MCTP2: variants seen among roughly 807,000 people sequenced by gnomAD.
MCTP2 encodes multiple C2 and transmembrane domain-containing protein 2.
A neutral mutation model predicts 111.6 loss-of-function variants in MCTP2; 132 were observed. That is an observed-to-expected ratio of 1.18 (90% CI 1.03 to 1.37). MCTP2 has a LOEUF of 1.37. MCTP2 is among the 40% of genes most tolerant of loss of function. MCTP2 has a pLI of 0.00. For missense variants in MCTP2, 1,183 were observed against 1,067.9 expected, an observed-to-expected ratio of 1.11 and a Z score of -1.50; for synonymous variants, 395 against 387.7, an observed-to-expected ratio of 1.02 and a Z score of -0.22.
In MCTP2 at chr15:94,250,437, A is replaced by G. The variant is rs532439062; in HGVS notation, c.-66+18773A>G. Among the ~76,000 whole-genome samples, 98 of 152,336 alleles carry G rather than the reference A, an allele frequency of 6.4e-4. 1 individual carries two copies. The Middle Eastern group carries it at 0.024, about 37-fold the overall frequency. ...TCGTGAGCACGTATTGAGGATTACT[A>G]TAGAAGCCTATGAACACTGGATTTT... is the stretch of plus-strand genomic sequence containing the variant. On this transcript the variant is annotated intron_variant, in intron 1 of 22. Transcript: ENST00000357742.
At chr15:94,247,155 G>A (rs930772875) in intron 1 of MCTP2, among the ~76,000 whole-genome samples, 2 of 152,180 alleles carry the variant, frequency 1.3e-5, no homozygotes, top group Admixed American at 1.3e-4. Flanking sequence ...GTGTGTGTGC[G>A]CGTGAGTGCA....
In MCTP2 at chr15:94,319,204, G is replaced by T. The variant is rs1018173286; in HGVS notation, c.637+3567G>T. 2.6e-5 allele frequency among the ~76,000 whole-genome samples: 4 copies of T among 152,284 alleles called. 1 individual carries two copies. The South Asian group carries it at 8.3e-4, about 32-fold the overall frequency. The stretch of plus-strand genomic sequence containing the variant: ...ATCACAAGTATTAAGATGAAGGTAT[G>T]ATCTTGAGCCTGCTCAGGGCAAGAC... On this transcript the variant is annotated intron_variant, in intron 4 of 22. Transcript: ENST00000357742.
chr15:94,479,357 C>T lies in MCTP2; in HGVS notation c.*323C>T. Reference sequence around the variant, plus strand: ...CACCTTCCTTGAGAACAGCCAGGAGCCCACTTGGATTCAAGAGTGACTTTG... The same window carrying T: ...CACCTTCCTTGAGAACAGCCAGGAGTCCACTTGGATTCAAGAGTGACTTTG... On this transcript the variant is annotated 3_prime_UTR_variant, in exon 23 of 23. Coordinates refer to ENST00000357742, the MANE Select transcript of MCTP2 (RefSeq NM_001385001.1). 2.9e-6 allele frequency: 1 copy of T among 347,846 alleles called. No homozygotes were observed. Among genetic ancestry groups the T allele is most frequent in the Non-Finnish European group, 5.3e-6 (1 of 187,458 alleles). 21.5% of individuals were successfully genotyped at this position (347,846 alleles called of 1,614,324 possible). A position where few individuals can be genotyped will look rare whatever the true frequency, so the allele number is the denominator to read the frequency against.
At chr15:94,253,880 G>A (rs2072600734) in intron 1 of MCTP2, among the ~76,000 whole-genome samples, 1 of 152,034 alleles carries the variant, frequency 6.6e-6, no homozygotes, top group South Asian at 2.1e-4. Flanking sequence ...TCTGGTGGTA[G>A]TATAGCTCAA....
At chr15:94,406,116 C>A (rs1408583809) in intron 17 of MCTP2, among the ~76,000 whole-genome samples, 1 of 152,156 alleles carries the variant, frequency 6.6e-6, no homozygotes, top group Admixed American at 6.5e-5. Flanking sequence ...GCCATTCCCA[C>A]ACAGATTTTG....
chr15:94,237,259 A>G (rs1353913346), intron 1 of MCTP2, among the ~76,000 whole-genome samples: 1 of 152,216 alleles, frequency 6.6e-6, no homozygotes, highest in East Asian at 1.9e-4. Context: ...CAGTTGCTGT[A>G]ACAACTGAAT....
chr15:94,278,747 G>A (rs775392292), intron 1 of MCTP2, among the ~76,000 whole-genome samples: 1 of 149,980 alleles, frequency 6.7e-6, no homozygotes. Context: ...CAAGTAGGCC[G>A]TGGTGTCTGT....
At chr15:94,311,025 T>A (rs960178751) in intron 2 of MCTP2, among the ~76,000 whole-genome samples, 2 of 141,838 alleles carry the variant, frequency 1.4e-5, no homozygotes, top group Non-Finnish European at 3.0e-5. Context: ...CCTTTTTTTT[T>A]TTTTTTTTTT....
In MCTP2 at chr15:94,433,732, G is replaced by A. The variant is rs141350433; in HGVS notation, c.2086-6444G>A. Among the ~76,000 whole-genome samples, 291 of 152,332 alleles carry A rather than the reference G, an allele frequency of 1.9e-3. 1 individual carries two copies. Among genetic ancestry groups the A allele is most frequent in the African/African-American group, 6.6e-3 (273 of 41,586 alleles). ...TTTTTACCAAGGATGTGTGAGAGCT[G>A]CAGTTGCTCCACATTTTTGTCAACA... is the stretch of plus-strand genomic sequence containing the variant. On this transcript the variant is annotated intron_variant, in intron 17 of 22. Transcript: ENST00000357742.
intron 2 of MCTP2, among the ~76,000 whole-genome samples, chr15:94,312,780 A>G (rs935759369): frequency 6.6e-6 from 1 of 152,048 alleles, no homozygotes; most frequent in African/African-American, 2.4e-5. Flanking sequence ...TCTCGATGTC[A>G]CTGCATGCAG....
chr15:94,400,570 T>G (rs1476805999), intron 16 of MCTP2, among the ~76,000 whole-genome samples: 1 of 151,636 alleles, frequency 6.6e-6, no homozygotes, highest in Non-Finnish European at 1.5e-5. Context: ...CAACAAAAGG[T>G]GAAGTTCAGG....
chr15:94,287,450 A>T (rs567333602), intron 1 of MCTP2, among the ~76,000 whole-genome samples: 1 of 152,142 alleles, frequency 6.6e-6, no homozygotes, highest in African/African-American at 2.4e-5. Flanking sequence ...CACCTTAAGG[A>T]TCCTTATTTT....
At chr15:94,237,360 G>C (rs1202617012) in intron 1 of MCTP2, among the ~76,000 whole-genome samples, 1 of 152,088 alleles carries the variant, frequency 6.6e-6, no homozygotes, top group African/African-American at 2.4e-5. Context: ...ATATTTGAGA[G>C]GTGGAGGTGG....
At position 94,472,900 on chromosome 15, in the gene MCTP2, C is replaced by A. The variant is rs8026498; in HGVS notation, c.2470+2458C>A. ...ATTTCTTGTATGATTGCATCCTTTG[C>A]AGCAATTTTTTTCTCACAAAGGAGA... On this transcript the variant is annotated intron_variant, in intron 21 of 22. Coordinates refer to ENST00000357742, the MANE Select transcript of MCTP2 (RefSeq NM_001385001.1). Among the ~76,000 whole-genome samples the A allele has an allele frequency of 7.5e-3, 1,140 of 152,256 alleles. 15 individuals carry two copies. Among genetic ancestry groups the A allele is most frequent in the African/African-American group, 0.025 (1,026 of 41,546 alleles).
intron 1 of MCTP2, among the ~76,000 whole-genome samples, chr15:94,243,646 T>G (rs1028884825): frequency 1.3e-5 from 2 of 149,480 alleles, no homozygotes; most frequent in African/African-American, 4.9e-5. Context: ...TATACATATA[T>G]ATGTATACAC....
At chr15:94,257,992 C>G (rs1293813845) in intron 1 of MCTP2, among the ~76,000 whole-genome samples, 1 of 149,928 alleles carries the variant, frequency 6.7e-6, no homozygotes, top group African/African-American at 2.5e-5. Context: ...TCAAGCAATT[C>G]TCTTGTGTCA....
chr15:94,319,046 T>TC (rs1287755288), intron 4 of MCTP2, among the ~76,000 whole-genome samples: 5 of 151,896 alleles, frequency 3.3e-5, no homozygotes, highest in African/African-American at 4.8e-5. Context: ...GGTTTTTTTT[T>TC]TTTTCTTTCA....
At chr15:94,464,247 T>TATATA (rs1379681870) in intron 20 of MCTP2, among the ~76,000 whole-genome samples, 4 of 60,188 alleles carry the variant, frequency 6.6e-5, no homozygotes, top group Admixed American at 1.8e-4. Context: ...ATAATATATA[T>TATATA]ATATATATAT....
chr15:94,441,430 A>G (rs954999203), intron 18 of MCTP2, among the ~76,000 whole-genome samples: 1 of 152,246 alleles, frequency 6.6e-6, no homozygotes, highest in Admixed American at 6.5e-5. Flanking sequence ...CATCTCTGAT[A>G]TCTATGTTGT....
Sources: gnomAD v4.1 joint callset for allele counts (sites outside exome capture counted in the v4.1 genomes callset) on GRCh38, gnomAD v4.1.1 for gene constraint, MANE v1.5 for transcripts, NCBI Gene and HGNC (gene_info 2026-07-23, HGNC 2026-07-21) for gene names.